The following EMG1 variants were observed in gnomAD, a reference collection of about 807,000 sequenced individuals.
EMG1 encodes EMG1 N1-specific pseudouridine methyltransferase.
Under a neutral mutation model 26.9 loss-of-function variants are expected in EMG1, and 24 were observed. The ratio of observed to expected loss-of-function variants is 0.89; its 90% CI spans 0.65 to 1.26. The LOEUF (loss-of-function observed/expected upper bound fraction) is 1.26, where lower values mean the gene tolerates loss of function less well. Among genes scored for constraint, EMG1 ranks in the 50% most tolerant of loss-of-function variants. The pLI, the probability that EMG1 is intolerant of heterozygous loss-of-function variation, is 0.00. For synonymous variants in EMG1, 140 were observed against 112.6 expected (o/e 1.24, Z -1.54); for missense variants, 299 against 307.6 (o/e 0.97, Z 0.21).
Position 6,977,962 on chromosome 12 carries a change from G to A in EMG1, c.*2153G>A. On this transcript the variant is annotated 3_prime_UTR_variant, in exon 6 of 6. Transcript: ENST00000599672. The surrounding 1 kb of genome is among the most constrained non-coding windows in gnomAD (Gnocchi z 4.5). ...AGACCGTGTGCGCACGAGCCACTTG[G>A]TTCAGCAGCAGTGACTGAGGCTGAT... The A allele has an allele frequency of 1.7e-6, 1 of 589,602 alleles. No homozygotes were observed. The highest frequency in any genetic ancestry group is 3.0e-5 in the East Asian group (1 of 33,714). 36.5% of individuals were successfully genotyped at this position (589,602 alleles called of 1,614,324 possible).
In EMG1 at chr12:6,977,424, G is replaced by T; in HGVS notation, c.*1615G>T. On this transcript the variant is annotated 3_prime_UTR_variant, in exon 6 of 6. Transcript: ENST00000599672. The surrounding 1 kb of genome is among the most constrained non-coding windows in gnomAD (Gnocchi z 4.5). Reference sequence around the variant, plus strand: ...AGGCAGTCATGGAGTAACCCATGAAGAGCCAGTGGATGGTCTGTTGCACCA... The same window carrying T: ...AGGCAGTCATGGAGTAACCCATGAATAGCCAGTGGATGGTCTGTTGCACCA... 6.2e-7 allele frequency: 1 copy of T among 1,614,196 alleles called. No individual in the cohort carries two copies. The highest frequency in any genetic ancestry group is 8.5e-7 in the Non-Finnish European group (1 of 1,180,040).
At position 6,978,850 on chromosome 12, in the gene EMG1, GA is replaced by G; in HGVS notation, c.*3042del. ...GGCCTGATTGCCTTCACAATAGGCA[GA>G]GAGGAATAAGCAGAGGGCCTGGAGA... On this transcript the variant is annotated 3_prime_UTR_variant, in exon 6 of 6. Coordinates refer to ENST00000599672, the MANE Select transcript of EMG1 (RefSeq NM_006331.8). 2.1e-6 allele frequency: 2 copies of G among 964,728 alleles called. No individual in the cohort carries two copies. The highest frequency in any genetic ancestry group is 3.0e-6 in the Non-Finnish European group (2 of 663,346). 59.8% of individuals were successfully genotyped at this position (964,728 alleles called of 1,614,324 possible).
chr12:6,980,954 AGAGT>A, downstream of EMG1: 1 of 1,497,322 alleles, frequency 6.7e-7, no homozygotes, highest in Non-Finnish European at 9.0e-7. Flanking sequence ...GAGTCACTTC[AGAGT>A]GAGTGAAATA....
At chr12:6,981,997 C>A, downstream of EMG1, 1 of 725,708 alleles carries the variant, frequency 1.4e-6, no homozygotes, top group Non-Finnish European at 2.5e-6. Flanking sequence ...CCTTTCTCCT[C>A]ATCCCATCAT....
At chr12:6,985,408 TAAAAC>T (rs1946513520) in intron 6 of EMG1, among the ~76,000 whole-genome samples, 1 of 142,622 alleles carries the variant, frequency 7.0e-6, no homozygotes, top group South Asian at 2.2e-4. Flanking sequence ...AAAACCAAAA[TAAAAC>T]AAAACAAAAA....
chr12:6,993,629 C>G (rs1014440046), intron 7 of EMG1, among the ~76,000 whole-genome samples: 3 of 152,100 alleles, frequency 2.0e-5, no homozygotes, highest in Non-Finnish European at 4.4e-5. Flanking sequence ...ATATAAATGG[C>G]GTCAGGCAAT....
downstream of EMG1, among the ~76,000 whole-genome samples, chr12:6,988,696 C>T (rs192280880): frequency 1.5e-3 from 222 of 152,320 alleles, 1 homozygote; most frequent in African/African-American, 4.4e-3. Context: ...GCATGAGACA[C>T]GGTTCTGACA....
chr12:6,980,992 AG>A (rs782208062), downstream of EMG1: 1 of 1,573,522 alleles, frequency 6.4e-7, no homozygotes, highest in South Asian at 1.2e-5. Context: ...CTGGACCAAG[AG>A]GGGCAATTAC....
chr12:6,996,166 C>G (rs1392826394), intron 7 of EMG1, among the ~76,000 whole-genome samples: 2 of 152,202 alleles, frequency 1.3e-5, no homozygotes, highest in African/African-American at 4.8e-5. Context: ...CCCTTCTGCT[C>G]CAGCCCCAAA....
Position 6,977,454 on chromosome 12 carries a change from G to A in EMG1, c.*1645G>A. ...AGTGGATGGTCTGTTGCACCAAATAGTAGAAGGGCTGGAGGACAGTAATGG... is the reference window on the plus strand; with the variant it reads ...AGTGGATGGTCTGTTGCACCAAATAATAGAAGGGCTGGAGGACAGTAATGG... On this transcript the variant is annotated 3_prime_UTR_variant, in exon 6 of 6. Transcript: ENST00000599672. The surrounding 1 kb of genome is among the most constrained non-coding windows in gnomAD (Gnocchi z 4.5). The A allele has an allele frequency of 1.9e-6, 3 of 1,614,230 alleles. No homozygotes were observed. The highest frequency in any genetic ancestry group is 2.5e-6 in the Non-Finnish European group (3 of 1,180,038).
downstream of EMG1, among the ~76,000 whole-genome samples, chr12:6,989,163 T>C (rs1555155163): frequency 6.6e-6 from 1 of 151,980 alleles, no homozygotes; most frequent in Admixed American, 6.6e-5. Context: ...CTGTAACTGT[T>C]CCTTCTTTTT....
chr12:6,990,568 G>A (rs1434645965), downstream of EMG1, among the ~76,000 whole-genome samples: 5 of 110,650 alleles, frequency 4.5e-5, no homozygotes, highest in Admixed American at 2.6e-4. Flanking sequence ...TAAATAAATT[G>A]AGCACCCCAA....
chr12:6,980,933 A>C (rs1946464292), downstream of EMG1: 1 of 1,408,074 alleles, frequency 7.1e-7, no homozygotes, highest in East Asian at 2.4e-5. Context: ...TGGAGAATGC[A>C]GCTTTCAGAA....
downstream of EMG1, among the ~76,000 whole-genome samples, chr12:6,990,399 C>T (rs1555155343): frequency 1.3e-5 from 2 of 148,500 alleles, no homozygotes; most frequent in African/African-American, 5.0e-5. Flanking sequence ...GCCCCAGCTA[C>T]TCGGGAGGCT....
chr12:6,990,608 T>A (rs1314254545), downstream of EMG1, among the ~76,000 whole-genome samples: 1 of 151,524 alleles, frequency 6.6e-6, no homozygotes, highest in Non-Finnish European at 1.5e-5. Flanking sequence ...GAACTATATA[T>A]CAATGTCTAC....
chr12:6,972,893 T>A (rs1228049503), intron 1 of EMG1, among the ~76,000 whole-genome samples: 3 of 152,022 alleles, frequency 2.0e-5, no homozygotes, highest in African/African-American at 7.2e-5. Context: ...GGCAACAGAG[T>A]GCAGTGGTGT....
downstream of EMG1, chr12:6,983,352 C>G (rs1045826161): frequency 2.2e-6 from 2 of 911,588 alleles, no homozygotes; most frequent in African/African-American, 3.3e-5. Flanking sequence ...CTATTAGATT[C>G]TCTCAAGGAA....
intron 7 of EMG1, among the ~76,000 whole-genome samples, chr12:6,993,756 A>G (rs1377006750): frequency 2.0e-5 from 3 of 152,122 alleles, no homozygotes; most frequent in African/African-American, 7.2e-5. Flanking sequence ...CGTTGTATGG[A>G]TACTCTGCAT....
rs1305788300 is a variant in EMG1 at position 6,976,723 on chromosome 12, C to CA, written c.*922dup. On this transcript the variant is annotated 3_prime_UTR_variant, in exon 6 of 6. Coordinates refer to ENST00000599672, the MANE Select transcript of EMG1 (RefSeq NM_006331.8). The stretch of plus-strand genomic sequence containing the variant: ...GGGTGACAAAGCAAGACGCCTTCTC[C>CA]AAAAAAAAGTTTCCCCTTTGGCCCC... The CA allele has an allele frequency of 5.6e-5, 9 of 159,780 alleles. No individual in the cohort carries two copies. Among genetic ancestry groups the CA allele is most frequent in the Admixed American group, 1.8e-4 (3 of 16,628 alleles). 9.9% of individuals were successfully genotyped at this position (159,780 alleles called of 1,614,324 possible).
Sources: gnomAD v4.1 joint callset for allele counts (sites outside exome capture counted in the v4.1 genomes callset) on GRCh38, gnomAD v4.1.1 for gene constraint, Gnocchi (gnomAD v3.1) non-coding constraint, MANE v1.5 for transcripts, NCBI Gene and HGNC (gene_info 2026-07-23, HGNC 2026-07-21) for gene names.